TPCN1: variants seen among roughly 807,000 people sequenced by gnomAD.
TPCN1 encodes the protein two pore segment channel 1, also known as two pore channel protein 1.
A neutral mutation model predicts 108.8 loss-of-function variants in TPCN1; 52 were observed. That is an observed-to-expected ratio of 0.48 (90% CI 0.38 to 0.60). The LOEUF is 0.60. TPCN1 is among the 20% of genes least tolerant of loss of function. The probability of loss-of-function intolerance (pLI) is 0.00; values close to 1 mark genes in which losing one functional copy is unlikely to be tolerated. For missense variants in TPCN1, 806 were observed against 1,072.8 expected (o/e 0.75, Z 3.47); for synonymous variants, 446 against 433.7 (o/e 1.03, Z -0.35).
rs910115403 is a variant in TPCN1 at position 113,273,757 on chromosome 12, T to C, written c.942+89T>C. ...TGTGGGAGTGGAGAAGTGGGGACTG[T>C]CTTCTGCCTCTCAGGGCAGAACGTT... On this transcript the variant is annotated intron_variant, in intron 10 of 27. Coordinates refer to ENST00000335509, the MANE Select transcript of TPCN1 (RefSeq NM_017901.6). This position sits in a 1 kb window ranked among gnomAD's most constrained non-coding sequence, Gnocchi z 4.0. 1.4e-5 allele frequency: 15 copies of C among 1,055,536 alleles called. No homozygotes were observed. The Admixed American group carries it at 2.2e-4, about 15-fold the overall frequency. 65.4% of individuals were successfully genotyped at this position (1,055,536 alleles called of 1,614,324 possible).
rs1235444104 is a variant in TPCN1 at position 113,273,003 on chromosome 12, GA to G, written c.784-223del. 1.3e-5 allele frequency among the ~76,000 whole-genome samples: 2 copies of G among 152,198 alleles called. No individual in the cohort carries two copies. Among genetic ancestry groups the G allele is most frequent in the African/African-American group, 4.8e-5 (2 of 41,454 alleles). ...AATGGCCCAGACATGTGACTCCCTA[GA>G]AAAAAGTCCCCCCAAGTCAATAGTT... On this transcript the variant is annotated intron_variant, in intron 8 of 27. Coordinates refer to ENST00000335509, the MANE Select transcript of TPCN1 (RefSeq NM_017901.6). This position sits in a 1 kb window ranked among gnomAD's most constrained non-coding sequence, Gnocchi z 4.0.
chr12:113,233,930 G>A (rs1379468819), intron 2 of TPCN1, among the ~76,000 whole-genome samples: 2 of 152,176 alleles, frequency 1.3e-5, no homozygotes, highest in African/African-American at 2.4e-5. Flanking sequence ...GCCCCCCTCC[G>A]TGAGGTAGAG....
At chr12:113,283,336 G>T (rs1231443154) in intron 15 of TPCN1, among the ~76,000 whole-genome samples, 8 of 152,130 alleles carry the variant, frequency 5.3e-5, no homozygotes, top group Admixed American at 4.6e-4. Flanking sequence ...CCTGGAGACC[G>T]TAATATGTAG....
intron 2 of TPCN1, 91 bp downstream of exon 2, chr12:113,227,055 G>A: frequency 9.3e-7 from 1 of 1,077,796 alleles, no homozygotes; most frequent in South Asian, 1.6e-5. Context: ...TAGTAGGGGT[G>A]TGTAACTTGT....
intron 2 of TPCN1, among the ~76,000 whole-genome samples, chr12:113,237,567 C>T (rs1202728265): frequency 6.6e-6 from 1 of 152,134 alleles, no homozygotes. Flanking sequence ...CCACATTGGC[C>T]AGGCTGGTCT....
In TPCN1 at chr12:113,226,881, C is replaced by G. The variant is rs150945178; in HGVS notation, c.29C>G (p.Pro10Arg). ...GCTGTGAGTTTGGATGACGACGTGC[C>G]GCTCATCCTGACCTTGGATGAGGGT... is the stretch of plus-strand genomic sequence containing the variant. MAVSLDDDVPLILTLDEGGS... is the reference protein window; with the variant it reads MAVSLDDDVRLILTLDEGGS... Residue 10 changes from proline to arginine, a missense_variant, in exon 2 of 28, where the codon CCG becomes CGG. Coordinates refer to ENST00000335509, the MANE Select transcript of TPCN1 (RefSeq NM_017901.6). 47 of 1,614,022 alleles carry G rather than the reference C, an allele frequency of 2.9e-5. No homozygotes were observed. Among genetic ancestry groups the G allele is most frequent in the Non-Finnish European group, 3.6e-5 (42 of 1,180,042 alleles).
In TPCN1 at chr12:113,289,607, A is replaced by G. The variant is rs924138624; in HGVS notation, c.1797-521A>G. 3.3e-5 allele frequency among the ~76,000 whole-genome samples: 5 copies of G among 152,210 alleles called. No homozygotes were observed. Among genetic ancestry groups the G allele is most frequent in the Non-Finnish European group, 5.9e-5 (4 of 68,040 alleles). On this transcript the variant is annotated intron_variant, in intron 21 of 27. Coordinates refer to ENST00000335509, the MANE Select transcript of TPCN1 (RefSeq NM_017901.6). This position sits in a 1 kb window ranked among gnomAD's most constrained non-coding sequence, Gnocchi z 4.1. ...CTGGTGGCCCAAGCACTAGACTTTTATAAACATTAGCATGGATATTAACAG... is the reference window on the plus strand; with the variant it reads ...CTGGTGGCCCAAGCACTAGACTTTTGTAAACATTAGCATGGATATTAACAG...
At position 113,269,290 on chromosome 12, in the gene TPCN1, G is replaced by C. The variant is rs184033251; in HGVS notation, c.659+418G>C. On this transcript the variant is annotated intron_variant, in intron 6 of 27. Coordinates refer to ENST00000335509, the MANE Select transcript of TPCN1 (RefSeq NM_017901.6). The surrounding 1 kb of genome is among the most constrained non-coding windows in gnomAD (Gnocchi z 5.0). ...GGAGACTCAATCTGGAAAATTCCTTGGCTGGGCTACTGTTGCTGAGAGTGG... is the reference window on the plus strand; with the variant it reads ...GGAGACTCAATCTGGAAAATTCCTTCGCTGGGCTACTGTTGCTGAGAGTGG... 2.0e-5 allele frequency among the ~76,000 whole-genome samples: 3 copies of C among 152,308 alleles called. No homozygotes were observed. Among genetic ancestry groups the C allele is most frequent in the Admixed American group, 2.0e-4 (3 of 15,310 alleles).
chr12:113,260,895 TG>T (rs1955005921), intron 3 of TPCN1, among the ~76,000 whole-genome samples: 1 of 152,042 alleles, frequency 6.6e-6, no homozygotes, highest in South Asian at 2.1e-4. Context: ...TTTTTTTTTT[TG>T]AAAAATATAT....
chr12:113,223,926 T>G (rs1953370734), intron 1 of TPCN1, among the ~76,000 whole-genome samples: 1 of 152,180 alleles, frequency 6.6e-6, no homozygotes, highest in Non-Finnish European at 1.5e-5. Flanking sequence ...AAAAATACTC[T>G]TTTCCCCTTC....
intron 2 of TPCN1, chr12:113,244,468 A>G: frequency 1.0e-6 from 1 of 985,482 alleles, no homozygotes; most frequent in Non-Finnish European, 1.2e-6. Flanking sequence ...TATCAGAAAG[A>G]GAAGGCCTGA....
chr12:113,270,220 A>G (rs1955436526), intron 7 of TPCN1, among the ~76,000 whole-genome samples: 1 of 151,994 alleles, frequency 6.6e-6, no homozygotes, highest in Non-Finnish European at 1.5e-5. Context: ...AAAAGAAAAG[A>G]AAAGAAAAAT....
Position 113,289,393 on chromosome 12 carries a change from C to T in TPCN1, c.1796+546C>T, listed in dbSNP as rs1275873833. 2.0e-5 allele frequency among the ~76,000 whole-genome samples: 3 copies of T among 152,180 alleles called. No homozygotes were observed. The highest frequency in any genetic ancestry group is 2.9e-5 in the Non-Finnish European group (2 of 68,030). Reference sequence around the variant, plus strand: ...ATTTGGTCTTTACAGCCTCAAGCACCGATGAAGAAACAGTTTTACAAAGAC... The same window carrying T: ...ATTTGGTCTTTACAGCCTCAAGCACTGATGAAGAAACAGTTTTACAAAGAC... On this transcript the variant is annotated intron_variant, in intron 21 of 27. Transcript: ENST00000335509. The surrounding 1 kb of genome is among the most constrained non-coding windows in gnomAD (Gnocchi z 4.1).
In TPCN1 at chr12:113,284,661, C is replaced by A. The variant is rs373482286; in HGVS notation, c.1399+24C>A. On this transcript the variant is annotated intron_variant, in intron 16 of 27. Coordinates refer to ENST00000335509, the MANE Select transcript of TPCN1 (RefSeq NM_017901.6). The surrounding 1 kb of genome is among the most constrained non-coding windows in gnomAD (Gnocchi z 4.1). Reference sequence around the variant, plus strand: ...AGGTGAGCCCCGCTCAGGGACTGGCCGTGTCCTGGCCGGCACACCTGGCTT... The same window carrying A: ...AGGTGAGCCCCGCTCAGGGACTGGCAGTGTCCTGGCCGGCACACCTGGCTT... 1.9e-5 allele frequency: 30 copies of A among 1,614,214 alleles called. No individual in the cohort carries two copies. In the South Asian group the frequency reaches 3.0e-4, roughly 16 times the overall value.
intron 14 of TPCN1, 115 bp downstream of exon 14, chr12:113,278,950 G>A (rs568064149): frequency 2.4e-5 from 22 of 899,224 alleles, no homozygotes; most frequent in Non-Finnish European, 3.6e-5. Context: ...GTGTGTGTTT[G>A]TCTGAATGCC....
rs1192028878 is a variant in TPCN1, at chr12:113,298,418, C to T, written c.*2342C>T. 10 of 152,372 alleles carry T rather than the reference C, an allele frequency of 6.6e-5. No individual in the cohort carries two copies. Among genetic ancestry groups the T allele is most frequent in the Admixed American group, 5.2e-4 (8 of 15,288 alleles). 9.4% of individuals were successfully genotyped at this position (152,372 alleles called of 1,614,324 possible). A position where few individuals can be genotyped will look rare whatever the true frequency, so the allele number is the denominator to read the frequency against. On this transcript the variant is annotated 3_prime_UTR_variant, in exon 28 of 28. Coordinates refer to ENST00000335509, the MANE Select transcript of TPCN1 (RefSeq NM_017901.6). ...AGAACTGTGCCCCTCCTCAGCTCCT[C>T]GCTTCCCCTCCCACAGCCCCAGCCT...
At chr12:113,239,849 T>C (rs1954036943) in intron 2 of TPCN1, among the ~76,000 whole-genome samples, 1 of 152,164 alleles carries the variant, frequency 6.6e-6, no homozygotes, top group Admixed American at 6.5e-5. Flanking sequence ...TTTTGTTAGA[T>C]TGGGATTTTA....
Position 113,286,999 on chromosome 12 carries a change from C to T in TPCN1, c.1539C>T (p.Ser513=), listed in dbSNP as rs137997952. ...LSSGWNLFDF[S]VTVFAFLGLL... is the part of the protein sequence containing the mutation. ...TCCCCTACTGCAGGTTTGACTTCTC[C>T]GTGACAGTGTTCGCCTTCCTGGGAC... Residue 513 remains serine (S), a synonymous_variant, in exon 19 of 28, where the codon TCC becomes TCT. Coordinates refer to ENST00000335509, the MANE Select transcript of TPCN1 (RefSeq NM_017901.6). 79 of 1,613,632 alleles carry T rather than the reference C, an allele frequency of 4.9e-5. No individual in the cohort carries two copies. The highest frequency in any genetic ancestry group is 8.3e-5 in the Admixed American group (5 of 60,006).
chr12:113,276,218 TG>T, intron 10 of TPCN1, among the ~76,000 whole-genome samples: 1 of 152,286 alleles, frequency 6.6e-6, no homozygotes, highest in East Asian at 1.9e-4. Flanking sequence ...AGGGAAAAAA[TG>T]GGGGACCAGT....
Sources: allele counts gnomAD v4.1 joint callset (sites outside exome capture counted in the v4.1 genomes callset), GRCh38; gene constraint gnomAD v4.1.1; non-coding constraint Gnocchi (gnomAD v3.1); transcripts MANE v1.5; gene names NCBI Gene and HGNC (gene_info 2026-07-23, HGNC 2026-07-21).